Variants in CNTLN observed in about 807,000 individuals in gnomAD.
CNTLN encodes centlein, centrosomal protein.
A neutral mutation model predicts 180.0 loss-of-function variants in CNTLN; 212 were observed. The ratio of observed to expected loss-of-function variants is 1.18; its 90% CI spans 1.05 to 1.32. The LOEUF is 1.32. Among genes scored for constraint, CNTLN ranks in the 40% most tolerant of loss-of-function variants. The pLI, the probability that CNTLN is intolerant of heterozygous loss-of-function variation, is 0.00. For missense variants in CNTLN, 2,095 were observed against 1,610.9 expected, an observed-to-expected ratio of 1.30 and a Z score of -5.14; for synonymous variants, 722 against 563.1, an observed-to-expected ratio of 1.28 and a Z score of -3.99.
At chr9:17,227,022 C>T (rs536528398) in intron 3 of CNTLN, among the ~76,000 whole-genome samples, 42 of 151,770 alleles carry the variant, frequency 2.8e-4, no homozygotes, top group Middle Eastern at 3.4e-3. Context: ...CATAGTGTGG[C>T]GATTCATCGG....
At chr9:17,272,193 C>T (rs905241436) in intron 5 of CNTLN, among the ~76,000 whole-genome samples, 6 of 147,530 alleles carry the variant, frequency 4.1e-5, no homozygotes, top group Middle Eastern at 3.4e-3. Context: ...TCTTTTGCCT[C>T]AGCCTCCTGA....
intron 2 of CNTLN, among the ~76,000 whole-genome samples, chr9:17,173,693 G>A (rs1820548564): frequency 6.6e-6 from 1 of 152,078 alleles, no homozygotes; most frequent in South Asian, 2.1e-4. Flanking sequence ...GAAGACTAGT[G>A]GAAGACTTAA....
intron 6 of CNTLN, among the ~76,000 whole-genome samples, chr9:17,293,817 G>T (rs530243154): frequency 1.3e-5 from 2 of 152,130 alleles, no homozygotes; most frequent in African/African-American, 4.8e-5. Context: ...AGAGGCTGCC[G>T]AGAATCTGGA....
At chr9:17,420,653 T>G (rs2584552) in intron 18 of CNTLN, among the ~76,000 whole-genome samples, 122,277 of 151,910 alleles carry the variant, frequency 0.8, 50,609 homozygotes, top group Non-Finnish European at 0.91. Flanking sequence ...TTAGGTTGTT[T>G]ATCTGAAATT....
At chr9:17,173,506 G>C (rs1390440329) in intron 2 of CNTLN, among the ~76,000 whole-genome samples, 1 of 152,150 alleles carries the variant, frequency 6.6e-6, no homozygotes, top group East Asian at 1.9e-4. Context: ...AGCGTGGACA[G>C]ATGCTTATCA....
At chr9:17,205,574 A>G (rs1479848253) in intron 2 of CNTLN, among the ~76,000 whole-genome samples, 1 of 152,156 alleles carries the variant, frequency 6.6e-6, no homozygotes, top group Non-Finnish European at 1.5e-5. Flanking sequence ...TGATGAAGGA[A>G]GCGGTGGGAG....
chr9:17,343,448 A>G lies in CNTLN; in HGVS notation c.1886+1004A>G, dbSNP rs193281214. Among the ~76,000 whole-genome samples, 445 of 152,272 alleles carry G rather than the reference A, an allele frequency of 2.9e-3. 4 individuals carry two copies. The highest frequency in any genetic ancestry group is 6.6e-3 in the Admixed American group (101 of 15,286). ...TATATACTACATGATAACATGTATA[A>G]CTTTTGTTTACAGCCTTTTCCATGT... is the stretch of plus-strand genomic sequence containing the variant. On this transcript the variant is annotated intron_variant, in intron 12 of 25. Transcript: ENST00000380647.
chr9:17,269,840 A>G (rs1005888705), intron 5 of CNTLN, among the ~76,000 whole-genome samples: 1 of 152,152 alleles, frequency 6.6e-6, no homozygotes, highest in African/African-American at 2.4e-5. Flanking sequence ...AATAAAGGGA[A>G]TATTGTAATA....
intron 13 of CNTLN, among the ~76,000 whole-genome samples, chr9:17,386,199 A>G (rs1825671503): frequency 6.6e-6 from 1 of 152,054 alleles, no homozygotes; most frequent in African/African-American, 2.4e-5. Context: ...AATACAAAGT[A>G]AAAGATTGCA....
chr9:17,191,887 A>G (rs2131812995), intron 2 of CNTLN, among the ~76,000 whole-genome samples: 1 of 152,280 alleles, frequency 6.6e-6, no homozygotes, highest in South Asian at 2.1e-4. Flanking sequence ...TATCTGTGCT[A>G]TTATTGGGTG....
intron 2 of CNTLN, among the ~76,000 whole-genome samples, chr9:17,151,713 T>C (rs554468381): frequency 6.6e-6 from 1 of 152,228 alleles, no homozygotes; most frequent in Non-Finnish European, 1.5e-5. Flanking sequence ...TTCTGTTGTT[T>C]GGAATAGTTT....
chr9:17,174,388 T>C (rs986040043), intron 2 of CNTLN, among the ~76,000 whole-genome samples: 1 of 152,186 alleles, frequency 6.6e-6, no homozygotes, highest in Non-Finnish European at 1.5e-5. Flanking sequence ...GTGATTGTTA[T>C]AGCCTTAGTT....
At chr9:17,465,544 C>CTA (rs142046692) in intron 21 of CNTLN, among the ~76,000 whole-genome samples, 7,503 of 148,482 alleles carry the variant, frequency 0.051, 215 homozygotes, top group Middle Eastern at 0.11. Context: ...TATAAATAAG[C>CTA]TATATATATA....
the CNTLN span, among the ~76,000 whole-genome samples, chr9:17,511,259 T>C: frequency 1.3e-5 from 2 of 152,202 alleles, no homozygotes; most frequent in Non-Finnish European, 2.9e-5. Context: ...CCAGAACTAT[T>C]ACCTGGACAA....
chr9:17,508,640 G>C (rs1265691881), downstream of CNTLN, among the ~76,000 whole-genome samples: 1 of 152,180 alleles, frequency 6.6e-6, no homozygotes, highest in Non-Finnish European at 1.5e-5. Context: ...GTCACTGAGA[G>C]TGTTATATAA....
intron 6 of CNTLN, among the ~76,000 whole-genome samples, chr9:17,284,497 T>C (rs1487002920): frequency 6.6e-6 from 1 of 152,150 alleles, no homozygotes; most frequent in Non-Finnish European, 1.5e-5. Context: ...GGAGGGTGTA[T>C]GTGTCTAGGA....
At chr9:17,511,911 T>C in the CNTLN span, among the ~76,000 whole-genome samples, 36 of 152,294 alleles carry the variant, frequency 2.4e-4, no homozygotes, top group African/African-American at 8.2e-4. Flanking sequence ...GGAAGACAGA[T>C]GCAGCTTATG....
intron 2 of CNTLN, among the ~76,000 whole-genome samples, chr9:17,219,275 T>G (rs996307163): frequency 1.3e-5 from 2 of 151,818 alleles, no homozygotes; most frequent in African/African-American, 4.8e-5. Context: ...TTTTAGGTCT[T>G]GTAAGTACAT....
intron 18 of CNTLN, among the ~76,000 whole-genome samples, chr9:17,434,932 A>G (rs554517255): frequency 6.6e-6 from 1 of 152,246 alleles, no homozygotes; most frequent in East Asian, 1.9e-4. Flanking sequence ...AAATTAGCAT[A>G]TCCCTATAAG....
Sources: gnomAD v4.1 joint callset for allele counts (sites outside exome capture counted in the v4.1 genomes callset) on GRCh38, gnomAD v4.1.1 for gene constraint, MANE v1.5 for transcripts, NCBI Gene and HGNC (gene_info 2026-07-23, HGNC 2026-07-21) for gene names.